CAMTA1: variants seen among roughly 807,000 people sequenced by gnomAD.
CAMTA1 encodes calmodulin binding transcription activator 1.
In CAMTA1, 27 loss-of-function variants were observed where a neutral mutation model predicts 170.9. That is an observed-to-expected ratio of 0.16 (90% CI 0.12 to 0.22). CAMTA1 has a LOEUF of 0.22. Among genes scored for constraint, CAMTA1 ranks in the 10% least tolerant of loss-of-function variants. The probability of loss-of-function intolerance (pLI) is 1.00; values close to 1 mark genes in which losing one functional copy is unlikely to be tolerated. For missense variants in CAMTA1, 1,619 were observed against 2,217.2 expected (o/e 0.73, Z 5.42); for synonymous variants, 833 against 891.5 (o/e 0.93, Z 1.17).
chr1:7,521,451 T>C (rs572144117), intron 6 of CAMTA1, among the ~76,000 whole-genome samples: 1 of 152,140 alleles, frequency 6.6e-6, no homozygotes, highest in South Asian at 2.1e-4. Context: ...TCCCCATTTT[T>C]ACTTGCATTT....
At chr1:7,220,267 C>T (rs2149123217) in intron 4 of CAMTA1, among the ~76,000 whole-genome samples, 1 of 152,192 alleles carries the variant, frequency 6.6e-6, no homozygotes, top group East Asian at 1.9e-4. Flanking sequence ...AATAGACCAC[C>T]TATGAATTAT....
At chr1:7,057,134 AT>A (rs1291027037) in intron 3 of CAMTA1, among the ~76,000 whole-genome samples, 1 of 152,072 alleles carries the variant, frequency 6.6e-6, no homozygotes, top group Non-Finnish European at 1.5e-5. Context: ...CAGGCCTGAG[AT>A]GGGGGTCTGG....
chr1:7,431,158 A>G (rs569645102), intron 5 of CAMTA1, among the ~76,000 whole-genome samples: 2 of 152,328 alleles, frequency 1.3e-5, no homozygotes, highest in South Asian at 2.1e-4. Context: ...CTGCCGACTC[A>G]GAGATGCCTT....
In CAMTA1 at chr1:7,609,719, G is replaced by C. The variant is rs2095510711; in HGVS notation, c.511-30681G>C. On this transcript the variant is annotated intron_variant, in intron 6 of 22. Coordinates refer to ENST00000303635, the MANE Select transcript of CAMTA1 (RefSeq NM_015215.4). The surrounding 1 kb of genome is among the most constrained non-coding windows in gnomAD (Gnocchi z 4.4). ...GATCTCTTCCACCCACAGGTGGTGTGACCTTGAGCAGGTCACTTTGCTTCT... is the reference window on the plus strand; with the variant it reads ...GATCTCTTCCACCCACAGGTGGTGTCACCTTGAGCAGGTCACTTTGCTTCT... Among the ~76,000 whole-genome samples the C allele has an allele frequency of 6.6e-6, 1 of 152,226 alleles. No homozygotes were observed. Among genetic ancestry groups the C allele is most frequent in the African/African-American group, 2.4e-5 (1 of 41,462 alleles).
At chr1:7,587,410 C>T (rs1399537101) in intron 6 of CAMTA1, among the ~76,000 whole-genome samples, 4 of 152,120 alleles carry the variant, frequency 2.6e-5, no homozygotes, top group East Asian at 1.9e-4. Context: ...GTGGGGCCTG[C>T]GTCTGCGGTG....
Position 7,079,934 on chromosome 1 carries a change from C to T in CAMTA1, c.235-11370C>T, listed in dbSNP as rs553246454. On this transcript the variant is annotated intron_variant, in intron 3 of 22. Coordinates refer to ENST00000303635, the MANE Select transcript of CAMTA1 (RefSeq NM_015215.4). The stretch of plus-strand genomic sequence containing the variant: ...GGAACAGTCTGTCAGTGTAAAATTC[C>T]GTATAGAGTAAATTATCCTTACATG... Among the ~76,000 whole-genome samples, 151 of 152,210 alleles carry T rather than the reference C, an allele frequency of 9.9e-4. 2 individuals are homozygous for T. Among genetic ancestry groups the T allele is most frequent in the African/African-American group, 3.5e-3 (147 of 41,510 alleles).
At chr1:7,468,752 C>T (rs1037860364) in intron 6 of CAMTA1, among the ~76,000 whole-genome samples, 1 of 152,208 alleles carries the variant, frequency 6.6e-6, no homozygotes, top group Admixed American at 6.5e-5. Context: ...CCTTTCCCAC[C>T]ATGGTTCTAC....
chr1:7,750,425 C>CT (rs1210429929), intron 19 of CAMTA1, among the ~76,000 whole-genome samples: 1 of 152,226 alleles, frequency 6.6e-6, no homozygotes, highest in Non-Finnish European at 1.5e-5. Flanking sequence ...GAGTCATACT[C>CT]TGTTTGATTA....
chr1:7,367,512 A>G (rs1366808151), intron 5 of CAMTA1, among the ~76,000 whole-genome samples: 1 of 152,224 alleles, frequency 6.6e-6, no homozygotes, highest in East Asian at 1.9e-4. Context: ...TGGCTCTTGT[A>G]TCCTTGGCCA....
At position 7,468,971 on chromosome 1, in the gene CAMTA1, G is replaced by A. The variant is rs116642992; in HGVS notation, c.510+1070G>A. On this transcript the variant is annotated intron_variant, in intron 6 of 22. Coordinates refer to ENST00000303635, the MANE Select transcript of CAMTA1 (RefSeq NM_015215.4). ...GAGCTGGTCTGGAAGGTGCCCACAG[G>A]GCCGGAGCCATGTCGATGTGGAGGC... 4.4e-3 allele frequency among the ~76,000 whole-genome samples: 665 copies of A among 152,318 alleles called. 5 individuals carry two copies. The highest frequency in any genetic ancestry group is 0.015 in the African/African-American group (633 of 41,574).
At chr1:7,472,579 G>A (rs1012322396) in intron 6 of CAMTA1, among the ~76,000 whole-genome samples, 11 of 152,304 alleles carry the variant, frequency 7.2e-5, no homozygotes, top group Admixed American at 4.6e-4. Context: ...TTATAGATGA[G>A]GCATTTGAGA....
chr1:7,221,467 T>G (rs1660753368), intron 4 of CAMTA1, among the ~76,000 whole-genome samples: 1 of 152,136 alleles, frequency 6.6e-6, no homozygotes, highest in Non-Finnish European at 1.5e-5. Flanking sequence ...TTTGAAGGCC[T>G]CCAGGAAGTC....
chr1:6,931,829 A>C (rs1684465271), intron 3 of CAMTA1, among the ~76,000 whole-genome samples: 1 of 152,100 alleles, frequency 6.6e-6, no homozygotes, highest in Non-Finnish European at 1.5e-5. Flanking sequence ...TTGGTACCTC[A>C]TTTGCTGAAT....
At chr1:7,409,069 G>A (rs1348849449) in intron 5 of CAMTA1, among the ~76,000 whole-genome samples, 1 of 152,198 alleles carries the variant, frequency 6.6e-6, no homozygotes, top group Non-Finnish European at 1.5e-5. Flanking sequence ...TCTCTCCAAG[G>A]TCGTGACCAC....
chr1:6,805,916 C>T (rs1327812897), intron 1 of CAMTA1, among the ~76,000 whole-genome samples: 1 of 150,810 alleles, frequency 6.6e-6, no homozygotes, highest in Non-Finnish European at 1.5e-5. Context: ...CTTTTGGTAT[C>T]ATAATAAGAA....
At position 7,634,926 on chromosome 1, in the gene CAMTA1, G is replaced by A. The variant is rs2095699222; in HGVS notation, c.511-5474G>A. ...AGAGGCGCAGCTTCCATGCTTATGG[G>A]TGAGGAGCCTGAGGCACCAAGAGGG... On this transcript the variant is annotated intron_variant, in intron 6 of 22. Coordinates refer to ENST00000303635, the MANE Select transcript of CAMTA1 (RefSeq NM_015215.4). This position sits in a 1 kb window ranked among gnomAD's most constrained non-coding sequence, Gnocchi z 6.2. 6.6e-6 allele frequency among the ~76,000 whole-genome samples: 1 copy of A among 152,186 alleles called. No homozygotes were observed.
At chr1:6,995,357 G>A (rs1697087938) in intron 3 of CAMTA1, among the ~76,000 whole-genome samples, 1 of 124,970 alleles carries the variant, frequency 8.0e-6, no homozygotes, top group Non-Finnish European at 1.6e-5. Context: ...CTGGAGTAGT[G>A]CAGTGACATG....
chr1:7,548,678 ATGGAAGG>A (rs2094745371), intron 6 of CAMTA1, among the ~76,000 whole-genome samples: 2 of 91,530 alleles, frequency 2.2e-5, no homozygotes. Flanking sequence ...GGAGATGCCC[ATGGAAGG>A]TGCCCCCTTA....
chr1:7,257,910 C>G (rs1304483584), intron 5 of CAMTA1, among the ~76,000 whole-genome samples: 1 of 152,148 alleles, frequency 6.6e-6, no homozygotes, highest in Admixed American at 6.5e-5. Context: ...GTTGGTTTAT[C>G]TCCAGACACA....
Sources: gnomAD v4.1 joint callset for allele counts (sites outside exome capture counted in the v4.1 genomes callset) on GRCh38, gnomAD v4.1.1 for gene constraint, Gnocchi (gnomAD v3.1) non-coding constraint, MANE v1.5 for transcripts, NCBI Gene and HGNC (gene_info 2026-07-23, HGNC 2026-07-21) for gene names.